The following MUC5AC variants were observed in gnomAD, a reference collection of about 807,000 sequenced individuals.
The protein encoded by MUC5AC is mucin-5AC.
MUC5AC carries 158 observed loss-of-function variants against 169.7 expected under a neutral mutation model. The ratio of observed to expected loss-of-function variants is 0.93; its 90% CI spans 0.82 to 1.06. The LOEUF (loss-of-function observed/expected upper bound fraction) is 1.06, where lower values mean the gene tolerates loss of function less well. Ranked by LOEUF, MUC5AC falls within the 50% of genes least tolerant of loss-of-function variation. MUC5AC has a pLI of 0.00. For missense variants in MUC5AC, 4,359 were observed against 3,089.9 expected (o/e 1.41, Z -9.74); for synonymous variants, 1,975 against 1,237.0 (o/e 1.60, Z -12.52).
chr11:1,160,188 C>T (rs1475893038), intron 1 of MUC5AC, among the ~76,000 whole-genome samples: 3 of 152,126 alleles, frequency 2.0e-5, no homozygotes, highest in Non-Finnish European at 1.5e-5. Flanking sequence ...GAGGCAGGGT[C>T]CTCCAGGTGG....
Position 1,184,969 on chromosome 11 carries a change from G to T in MUC5AC, c.6824G>T (p.Ser2275Ile). Residue 2275 changes from serine (S) to isoleucine (I), a missense_variant, in exon 31 of 49, where the codon AGC (serine) becomes ATC (isoleucine). Transcript: ENST00000621226. The stretch of plus-strand genomic sequence containing the variant: ...AGTACAACCTATGCCCATACAACCA[G>T]CACAACCTCTGCTCCTACAGCCAGA... ...QTSTTYAHTT[S>I]TTSAPTARTT... 1 of 573,756 alleles carries T rather than the reference G, an allele frequency of 1.7e-6. No individual in the cohort carries two copies. The highest frequency in any genetic ancestry group is 2.2e-5 in the African/African-American group (1 of 45,632). 35.5% of individuals were successfully genotyped at this position (573,756 alleles called of 1,614,324 possible).
intron 11 of MUC5AC, 38 bp downstream of exon 11, chr11:1,165,798 G>T: frequency 6.2e-7 from 1 of 1,607,948 alleles, no homozygotes; most frequent in Non-Finnish European, 8.5e-7. Flanking sequence ...CCGGACAGAG[G>T]GGGCCCATGG....
chr11:1,169,173 T>C (rs1860423681), intron 15 of MUC5AC, 147 bp downstream of exon 15: 4 of 1,403,432 alleles, frequency 2.9e-6, no homozygotes, highest in Non-Finnish European at 3.7e-6. Context: ...GACAGGCTCA[T>C]GGTGGGCGCC....
intron 11 of MUC5AC, 136 bp from the exon 12 acceptor site, chr11:1,167,741 C>A (rs1860377430): frequency 4.0e-6 from 3 of 740,956 alleles, no homozygotes; most frequent in Non-Finnish European, 6.8e-6. Context: ...TCCTAGCACA[C>A]CTCCCTCTCG....
At chr11:1,177,427 G>A (rs1860714549) in intron 23 of MUC5AC, 27 bp from the exon 24 acceptor site, 1 of 400,518 alleles carries the variant, frequency 2.5e-6, no homozygotes, top group African/African-American at 2.1e-5. Context: ...TCTTGCTGGG[G>A]GCCCTGAGTG....
chr11:1,195,777 C>T (rs897130462), intron 36 of MUC5AC, 99 bp from the exon 37 acceptor site: 28 of 641,412 alleles, frequency 4.4e-5, no homozygotes, highest in Non-Finnish European at 7.4e-5. Context: ...CTCTGGGACT[C>T]GCCTCGCCTG....
At chr11:1,159,210 G>C (rs115093941) in intron 1 of MUC5AC, among the ~76,000 whole-genome samples, 288 of 152,116 alleles carry the variant, frequency 1.9e-3, no homozygotes, top group African/African-American at 6.6e-3. Context: ...GGCGAGGGGG[G>C]TCTCCCAGCC....
Position 1,186,871 on chromosome 11 carries a change from C to A in MUC5AC, c.8726C>A (p.Thr2909Asn), listed in dbSNP as rs1191188351. 4.1e-6 allele frequency: 3 copies of A among 731,354 alleles called. No homozygotes were observed. The highest frequency in any genetic ancestry group is 1.4e-5 in the South Asian group (1 of 70,540). 45.3% of individuals were successfully genotyped at this position (731,354 alleles called of 1,614,324 possible). A position where few individuals can be genotyped will look rare whatever the true frequency, so the allele number is the denominator to read the frequency against. ...RTTSAPTTST[T>N]SAPTTSTTSA... Reference sequence around the variant, plus strand: ...ACCTCTGCTCCTACAACCAGCACAACCTCTGCCCCTACAACCAGCACAACC... The same window carrying A: ...ACCTCTGCTCCTACAACCAGCACAAACTCTGCCCCTACAACCAGCACAACC... The change falls in exon 31 of 49, where the codon ACC becomes AAC. Residue 2909 changes from threonine to asparagine, a missense_variant. Thr to Asn is a moderately conservative substitution (Grantham distance 65, BLOSUM62 0). Transcript: ENST00000621226.
In MUC5AC at chr11:1,186,715, C is replaced by T. The variant is rs1416163876; in HGVS notation, c.8570C>T (p.Thr2857Ile). 1.6e-4 allele frequency: 116 copies of T among 730,040 alleles called. No homozygotes were observed. In the African/African-American group the frequency reaches 1.6e-3, roughly 10 times the overall value. The allele number at this position is 730,040 out of a possible 1,614,324, so 45.2% of individuals were successfully genotyped here. ...APTTSTTSAP[T>I]TRTTSVPTSS... is the part of the protein sequence containing the mutation. ...ACAACCAGCACAACCTCTGCCCCTA[C>T]AACCAGAACAACCTCTGTCCCTACA... The change falls in exon 31 of 49, where the codon ACA becomes ATA. Residue 2857 changes from threonine (T) to isoleucine (I), a missense_variant. Transcript: ENST00000621226.
At position 1,162,988 on chromosome 11, in the gene MUC5AC, T is replaced by C. The variant is rs1860188549; in HGVS notation, c.622T>C (p.Cys208Arg). Residue 208 changes from cysteine (C) to arginine (R), a missense_variant, in exon 6 of 49, where the codon TGT (cysteine) becomes CGT (arginine). Cys to Arg is a radical substitution (Grantham distance 180). Transcript: ENST00000621226. ...GGACACCAAATACGCCAACAAGACC[T>C]GTGGGCTCTGTGGGGACTTCAACGG... is the stretch of plus-strand genomic sequence containing the variant. ...ELDTKYANKTCGLCGDFNGMP... is the reference protein window; with the variant it reads ...ELDTKYANKTRGLCGDFNGMP... The C allele has an allele frequency of 6.2e-7, 1 of 1,612,600 alleles. No homozygotes were observed. Among genetic ancestry groups the C allele is most frequent in the Non-Finnish European group, 8.5e-7 (1 of 1,179,872 alleles).
chr11:1,161,611 T>C, intron 3 of MUC5AC, 25 bp downstream of exon 3: 1 of 1,602,862 alleles, frequency 6.2e-7, no homozygotes. Context: ...GAGGCCTGGG[T>C]GGGGAAGGGT....
rs1860842804 is a variant in MUC5AC at position 1,182,652 on chromosome 11, G to A, written c.4507G>A (p.Ala1503Thr). ...PTTSKTTETRASGSSAPSSTP... is the reference protein window; with the variant it reads ...PTTSKTTETRTSGSSAPSSTP... ...TACCTCCAAGACCACTGAAACCCGG[G>A]CCTCAGGCTCCTCAGCTCCCAGCAG... is the stretch of plus-strand genomic sequence containing the variant. The change falls in exon 31 of 49, where the codon GCC becomes ACC. Residue 1503 changes from alanine to threonine, a missense_variant. Transcript: ENST00000621226. The A allele has an allele frequency of 7.5e-6, 3 of 399,176 alleles. No homozygotes were observed. The highest frequency in any genetic ancestry group is 4.4e-5 in the Admixed American group (1 of 22,718). The allele number at this position is 399,176 out of a possible 1,614,324, so 24.7% of individuals were successfully genotyped here. A position where few individuals can be genotyped will look rare whatever the true frequency, so the allele number is the denominator to read the frequency against.
At chr11:1,167,852 AC>A in intron 11 of MUC5AC, 24 bp from the exon 12 acceptor site, 2 of 1,540,838 alleles carry the variant, frequency 1.3e-6, no homozygotes, top group South Asian at 1.2e-5. Flanking sequence ...GAGTGTGAGG[AC>A]CCCTGGTGTG....
chr11:1,193,695 G>A (rs1180663119), intron 33 of MUC5AC, 36 bp downstream of exon 33: 3 of 754,856 alleles, frequency 4.0e-6, no homozygotes, highest in African/African-American at 3.4e-5. Flanking sequence ...AGGGCAGCCG[G>A]GGCAGCCACT....
intron 31 of MUC5AC, 54 bp from the exon 32 acceptor site, chr11:1,192,729 C>T (rs1861154773): frequency 2.0e-5 from 14 of 702,400 alleles, no homozygotes; most frequent in Admixed American, 1.0e-4. Flanking sequence ...GAGTTTTTTG[C>T]TTCTCCTTTG....
chr11:1,185,974 C>A lies in MUC5AC; in HGVS notation c.7829C>A (p.Thr2610Asn). 1 of 734,252 alleles carries A rather than the reference C, an allele frequency of 1.4e-6. No homozygotes were observed. Among genetic ancestry groups the A allele is most frequent in the African/African-American group, 1.7e-5 (1 of 58,152 alleles). 45.5% of individuals were successfully genotyped at this position (734,252 alleles called of 1,614,324 possible). Residue 2610 changes from threonine to asparagine, a missense_variant, in exon 31 of 49, where the codon ACC becomes AAC. By Grantham distance (65) the Thr-to-Asn change is moderately conservative. Transcript: ENST00000621226. ...ACCAGCATAACCTCTGCACCTACAA[C>A]CAGCACAAACTCTGCCCCTATAAGC... The part of the protein sequence containing the change: ...PTTSITSAPT[T>N]STNSAPISST...
At chr11:1,199,664 C>T (rs1171941340) in intron 46 of MUC5AC, 31 bp from the exon 47 acceptor site, 5 of 703,100 alleles carry the variant, frequency 7.1e-6, no homozygotes, top group East Asian at 2.7e-5. Context: ...CCGAGCGCCT[C>T]GGCACTGAGG....
intron 26 of MUC5AC, 30 bp downstream of exon 26, chr11:1,179,278 C>G: frequency 1.9e-6 from 1 of 518,904 alleles, no homozygotes; most frequent in South Asian, 2.8e-5. Flanking sequence ...TGGGGAAGAA[C>G]AGGAAGCGCC....
chr11:1,172,518 T>C lies in MUC5AC; in HGVS notation c.1960T>C (p.Tyr654His). The change falls in exon 16 of 49, where the codon TAC (tyrosine) becomes CAC (histidine). Residue 654 changes from tyrosine (Y) to histidine (H), a missense_variant. By Grantham distance (83) the Tyr-to-His change is moderately conservative. Transcript: ENST00000621226. ...TGCTGCCGTGAAGCCGGGAACCTAC[T>C]ACTCGGTAACATCTGCCGCCTCTTG... ...CHAAVKPGTYYSNCMFDTCNC... is the reference protein window; with the variant it reads ...CHAAVKPGTYHSNCMFDTCNC... 1 of 398,686 alleles carries C rather than the reference T, an allele frequency of 2.5e-6. No homozygotes were observed. Among genetic ancestry groups the C allele is most frequent in the Non-Finnish European group, 4.4e-6 (1 of 226,086 alleles). The allele number at this position is 398,686 out of a possible 1,614,324, so 24.7% of individuals were successfully genotyped here.
Sources: allele counts gnomAD v4.1 joint callset (sites outside exome capture counted in the v4.1 genomes callset), GRCh38; gene constraint gnomAD v4.1.1; transcripts MANE v1.5; gene names NCBI Gene and HGNC (gene_info 2026-07-23, HGNC 2026-07-21).